Variants in PRKCZ observed in about 807,000 individuals in gnomAD.
The protein encoded by PRKCZ is protein kinase C zeta type.
PRKCZ carries 33 observed loss-of-function variants against 79.5 expected under a neutral mutation model. The observed-to-expected ratio is 0.41, with a 90% CI of 0.31 to 0.55. The LOEUF is 0.55. Ranked by LOEUF, PRKCZ falls within the 20% of genes least tolerant of loss-of-function variation. PRKCZ has a pLI of 0.19. For missense variants in PRKCZ, 578 were observed against 813.5 expected (o/e 0.71, Z 3.52); for synonymous variants, 342 against 320.9 (o/e 1.07, Z -0.70).
chr1:2,151,010 C>T (rs1679784195), intron 9 of PRKCZ, 32 bp downstream of exon 9: 2 of 1,609,592 alleles, frequency 1.2e-6, no homozygotes, highest in African/African-American at 1.3e-5. Flanking sequence ...GCCCGGGGGC[C>T]CGGGAACGCG....
chr1:2,184,599 C>T lies in PRKCZ; in HGVS notation c.1592C>T (p.Ala531Val), dbSNP rs749035122. Residue 531 changes from alanine to valine, a missense_variant, in exon 17 of 18, where the codon GCG becomes GTG. By Grantham distance (64) the Ala-to-Val change is moderately conservative. Transcript: ENST00000378567. ...TTTTCCAAGCTGGAGAAGAAGCAGGCGCTCCCTCCATTCCAGCCACAGATC... is the reference window on the plus strand; with the variant it reads ...TTTTCCAAGCTGGAGAAGAAGCAGGTGCTCCCTCCATTCCAGCCACAGATC... ...IDWDLLEKKQ[A>V]LPPFQPQITD... is the part of the protein sequence containing the mutation. 3.3e-5 allele frequency: 54 copies of T among 1,613,724 alleles called. 2 individuals are homozygous for T. The South Asian group carries it at 5.5e-4, about 16-fold the overall frequency.
At chr1:2,153,677 G>A (rs373366650) in intron 9 of PRKCZ, among the ~76,000 whole-genome samples, 2 of 152,200 alleles carry the variant, frequency 1.3e-5, no homozygotes, top group Admixed American at 6.5e-5. Context: ...AGCACGTCCC[G>A]GTCAGCTGGA....
chr1:2,090,472 C>T (rs544888647), intron 4 of PRKCZ, among the ~76,000 whole-genome samples: 92 of 150,330 alleles, frequency 6.1e-4, no homozygotes, highest in Non-Finnish European at 1.1e-3. Context: ...GGCCGTCTCA[C>T]CACTGAGGGG....
At chr1:2,138,883 G>A (rs1389610204) in intron 5 of PRKCZ, among the ~76,000 whole-genome samples, 1 of 152,182 alleles carries the variant, frequency 6.6e-6, no homozygotes, top group Non-Finnish European at 1.5e-5. Flanking sequence ...GCGGTGAGCT[G>A]AGATTGTGCC....
Position 2,127,327 on chromosome 1 carries a change from C to T in PRKCZ, c.335-7935C>T, listed in dbSNP as rs1161979579. 2.4e-5 allele frequency among the ~76,000 whole-genome samples: 3 copies of T among 124,646 alleles called. No individual in the cohort carries two copies. The highest frequency in any genetic ancestry group is 5.6e-5 in the Non-Finnish European group (3 of 53,946). 81.8% of individuals were successfully genotyped at this position (124,646 alleles called of 152,430 possible). A position where few individuals can be genotyped will look rare whatever the true frequency, so the allele number is the denominator to read the frequency against. On this transcript the variant is annotated intron_variant, in intron 4 of 17. Coordinates refer to ENST00000378567, the MANE Select transcript of PRKCZ (RefSeq NM_002744.6). This position sits in a 1 kb window ranked among gnomAD's most constrained non-coding sequence, Gnocchi z 5.1. ...TGGGAAATAGATCTGTGGTTAGAAA[C>T]GGGAAGTTTGAGTTGCAGGCTTGCG...
In PRKCZ at chr1:2,177,309, C is replaced by T. The variant is rs1221025634; in HGVS notation, c.1575+1996C>T. On this transcript the variant is annotated intron_variant, in intron 16 of 17. Coordinates refer to ENST00000378567, the MANE Select transcript of PRKCZ (RefSeq NM_002744.6). The surrounding 1 kb of genome is among the most constrained non-coding windows in gnomAD (Gnocchi z 6.4). ...GAATTACGTGAGGAGCCAGCATCCC[C>T]GCTCCCAGCCACCTCCCCTCGCCCG... is the stretch of plus-strand genomic sequence containing the variant. Among the ~76,000 whole-genome samples the T allele has an allele frequency of 6.6e-6, 1 of 152,146 alleles. No individual in the cohort carries two copies. The highest frequency in any genetic ancestry group is 2.1e-4 in the South Asian group (1 of 4,828).
At chr1:2,134,282 T>C (rs1231673218) in intron 4 of PRKCZ, among the ~76,000 whole-genome samples, 2 of 152,238 alleles carry the variant, frequency 1.3e-5, no homozygotes, top group Admixed American at 1.3e-4. Context: ...TTCAGCAGTT[T>C]CCAGTCAGGG....
At chr1:2,148,992 G>A in intron 8 of PRKCZ, 68 bp downstream of exon 8, 1 of 1,520,582 alleles carries the variant, frequency 6.6e-7, no homozygotes, top group South Asian at 1.1e-5. Context: ...CTGTCTCTGG[G>A]GTAGTCACGG....
chr1:2,144,492 C>G, intron 6 of PRKCZ, 151 bp downstream of exon 6: 1 of 1,448,084 alleles, frequency 6.9e-7, no homozygotes, highest in Non-Finnish European at 9.1e-7. Context: ...GAGACTCAGG[C>G]GGCAGTCTTG....
In PRKCZ at chr1:2,082,487, C is replaced by T. The variant is rs1408076507; in HGVS notation, c.334+22896C>T. On this transcript the variant is annotated intron_variant, in intron 4 of 17. Coordinates refer to ENST00000378567, the MANE Select transcript of PRKCZ (RefSeq NM_002744.6). This position sits in a 1 kb window ranked among gnomAD's most constrained non-coding sequence, Gnocchi z 4.4. ...TGAGTGTAAGATCACGTCCGCGTTC[C>T]TAGCGACCGGTTTTGTGATGTGGGC... The T allele has an allele frequency of 2.2e-6, 1 of 448,032 alleles. No individual in the cohort carries two copies. 27.8% of individuals were successfully genotyped at this position (448,032 alleles called of 1,614,324 possible). A position where few individuals can be genotyped will look rare whatever the true frequency, so the allele number is the denominator to read the frequency against.
At chr1:2,101,221 A>G (rs543699819) in intron 4 of PRKCZ, among the ~76,000 whole-genome samples, 5 of 152,250 alleles carry the variant, frequency 3.3e-5, no homozygotes, top group Non-Finnish European at 4.4e-5. Context: ...GTTTAACTTC[A>G]AGGAGATACC....
rs752068366 is a variant in PRKCZ, at chr1:2,148,861, T to A, written c.635-11T>A. The A allele has an allele frequency of 1.9e-6, 3 of 1,613,480 alleles. No homozygotes were observed. In the Admixed American group the frequency reaches 5.0e-5, roughly 27 times the overall value. On this transcript the variant is annotated splice_polypyrimidine_tract_variant and intron_variant, in intron 7 of 17. Coordinates refer to ENST00000378567, the MANE Select transcript of PRKCZ (RefSeq NM_002744.6). ...ACCGTAACGCCCCTTCCTTCCTCCCTCTCTCACCAGTTGCTTACATTTCCT... is the reference window on the plus strand; with the variant it reads ...ACCGTAACGCCCCTTCCTTCCTCCCACTCTCACCAGTTGCTTACATTTCCT...
At chr1:2,107,305 C>G (rs1004764281) in intron 4 of PRKCZ, among the ~76,000 whole-genome samples, 1 of 152,236 alleles carries the variant, frequency 6.6e-6, no homozygotes, top group Non-Finnish European at 1.5e-5. Flanking sequence ...GGATTGCGTC[C>G]TCCCTCTCCT....
intron 10 of PRKCZ, among the ~76,000 whole-genome samples, chr1:2,158,523 C>T (rs80249187): frequency 1.3e-5 from 2 of 152,354 alleles, no homozygotes; most frequent in East Asian, 1.9e-4. Context: ...ATTCCCATTG[C>T]GCTTTTCCAG....
At chr1:2,158,048 C>G (rs1472049456) in intron 10 of PRKCZ, among the ~76,000 whole-genome samples, 1 of 151,472 alleles carries the variant, frequency 6.6e-6, no homozygotes, top group African/African-American at 2.4e-5. Flanking sequence ...ACCGCAGGGT[C>G]CTGCTCTTGC....
At chr1:2,111,354 T>C (rs935635396) in intron 4 of PRKCZ, among the ~76,000 whole-genome samples, 2 of 141,718 alleles carry the variant, frequency 1.4e-5, no homozygotes, top group African/African-American at 5.3e-5. Flanking sequence ...ACAGGCGGGG[T>C]GGGGGTGCAA....
chr1:2,106,090 C>T (rs932239788), intron 4 of PRKCZ, among the ~76,000 whole-genome samples: 10 of 152,216 alleles, frequency 6.6e-5, no homozygotes, highest in African/African-American at 1.9e-4. Context: ...ATGAGGGCCT[C>T]GCCCAGGACT....
At chr1:2,161,124 A>T (rs1468923671) in intron 10 of PRKCZ, among the ~76,000 whole-genome samples, 1 of 152,178 alleles carries the variant, frequency 6.6e-6, no homozygotes, top group African/African-American at 2.4e-5. Flanking sequence ...ACAGAAGGAG[A>T]GATCCTGACT....
chr1:2,116,964 G>A (rs956585117), intron 4 of PRKCZ, among the ~76,000 whole-genome samples: 14 of 151,962 alleles, frequency 9.2e-5, no homozygotes, highest in African/African-American at 1.7e-4. Context: ...GGGGAGTTGC[G>A]GGGGGCAGAC....
Sources: gnomAD v4.1 joint callset for allele counts (sites outside exome capture counted in the v4.1 genomes callset) on GRCh38, gnomAD v4.1.1 for gene constraint, Gnocchi (gnomAD v3.1) non-coding constraint, MANE v1.5 for transcripts, NCBI Gene and HGNC (gene_info 2026-07-23, HGNC 2026-07-21) for gene names.